C19orf81: variants seen among roughly 807,000 people sequenced by gnomAD.
The protein encoded by C19orf81 is putative uncharacterized protein C19orf81.
A neutral mutation model predicts 22.1 loss-of-function variants in C19orf81; 19 were observed. That is an observed-to-expected ratio of 0.86 (90% CI 0.60 to 1.26). C19orf81 has a LOEUF of 1.26. Among genes scored for constraint, C19orf81 ranks in the 50% most tolerant of loss-of-function variants. The probability of loss-of-function intolerance (pLI) is 0.00; values close to 1 mark genes in which losing one functional copy is unlikely to be tolerated. For synonymous variants in C19orf81, 108 were observed against 113.1 expected, an observed-to-expected ratio of 0.95 and a Z score of 0.29; for missense variants, 287 against 280.7, an observed-to-expected ratio of 1.02 and a Z score of -0.16.
intron 3 of C19orf81, among the ~76,000 whole-genome samples, chr19:50,656,646 A>G (rs1985000141): frequency 6.6e-6 from 1 of 152,102 alleles, no homozygotes; most frequent in Non-Finnish European, 1.5e-5. Flanking sequence ...AAATATAACA[A>G]AAACTCAAGA....
chr19:50,658,102 C>T lies in C19orf81; in HGVS notation c.375C>T (p.Ile125=). 6.5e-7 allele frequency: 1 copy of T among 1,535,354 alleles called. No individual in the cohort carries two copies. The highest frequency in any genetic ancestry group is 8.7e-7 in the Non-Finnish European group (1 of 1,146,588). The change falls in exon 4 of 5, where the codon ATC becomes ATT. Residue 125 remains isoleucine (I), a synonymous_variant. Coordinates refer to ENST00000425202, the MANE Select transcript of C19orf81 (RefSeq NM_001195076.2). ...SSIRFENMNV[I]CGTAGRRNRW... is the part of the protein sequence containing the mutation. ...TCCGCTTTGAGAACATGAACGTCAT[C>T]TGTGGGACTGCTGGGCGCCGGAACC...
chr19:50,658,211 A>G (rs1445385696), intron 4 of C19orf81, 83 bp downstream of exon 4: 4 of 1,364,910 alleles, frequency 2.9e-6, no homozygotes, highest in Non-Finnish European at 3.9e-6. Context: ...GGTTGGTTTT[A>G]GAGCGCTGAG....
In C19orf81 at chr19:50,657,864, CT is replaced by C. The variant is rs1244226924; in HGVS notation, c.262-123del. 8 of 1,285,816 alleles carry C rather than the reference CT, an allele frequency of 6.2e-6. No individual in the cohort carries two copies. In the Admixed American group the frequency reaches 9.3e-5, roughly 15 times the overall value. 79.7% of individuals were successfully genotyped at this position (1,285,816 alleles called of 1,614,324 possible). ...CAGTACCCTGGGATTAAGAGCGATC[CT>C]TGCCCCTCAAATGCCACCTGGAACT... On this transcript the variant is annotated intron_variant, in intron 3 of 4. Coordinates refer to ENST00000425202, the MANE Select transcript of C19orf81 (RefSeq NM_001195076.2).
At chr19:50,651,297 G>A (rs1239087380) in intron 1 of C19orf81, among the ~76,000 whole-genome samples, 1 of 152,280 alleles carries the variant, frequency 6.6e-6, no homozygotes, top group Non-Finnish European at 1.5e-5. Flanking sequence ...CTTGGCCCAT[G>A]CTAGGCCCTT....
intron 1 of C19orf81, among the ~76,000 whole-genome samples, chr19:50,650,175 T>C (rs35429431): frequency 0.4 from 60,855 of 151,684 alleles, 12,959 homozygotes; most frequent in African/African-American, 0.55. Flanking sequence ...CCTAGCTTCC[T>C]GTCACCTCTA....
At chr19:50,655,404 A>C (rs898096137) in intron 1 of C19orf81, among the ~76,000 whole-genome samples, 1 of 152,220 alleles carries the variant, frequency 6.6e-6, no homozygotes, top group Non-Finnish European at 1.5e-5. Flanking sequence ...TAATCCCAGC[A>C]TTTTGGGAGG....
intron 1 of C19orf81, 145 bp downstream of exon 1, chr19:50,649,656 C>G (rs1984836596): frequency 1.1e-6 from 1 of 940,628 alleles, no homozygotes; most frequent in East Asian, 2.6e-5. Context: ...TCACCAGATT[C>G]CTGGAGAGCG....
chr19:50,654,423 C>A (rs1440879839), intron 1 of C19orf81, among the ~76,000 whole-genome samples: 1 of 152,136 alleles, frequency 6.6e-6, no homozygotes, highest in African/African-American at 2.4e-5. Flanking sequence ...CTGCCTCAGC[C>A]TCCCGAGTAG....
chr19:50,658,872 C>T, intron 4 of C19orf81, 75 bp from the exon 5 acceptor site: 3 of 1,295,216 alleles, frequency 2.3e-6, no homozygotes, highest in African/African-American at 1.5e-5. Context: ...AGGGACCAGG[C>T]AGGGACTCTT....
At chr19:50,658,809 G>A (rs905518505) in intron 4 of C19orf81, 138 bp from the exon 5 acceptor site, 2 of 703,350 alleles carry the variant, frequency 2.8e-6, no homozygotes, top group East Asian at 6.7e-5. Context: ...GGGCTGGAGG[G>A]GAGTTTAGGG....
intron 3 of C19orf81, 35 bp from the exon 4 acceptor site, chr19:50,657,954 G>A: frequency 6.7e-7 from 1 of 1,497,792 alleles, no homozygotes; most frequent in Non-Finnish European, 8.9e-7. Flanking sequence ...GAACCAGGAG[G>A]CCACGGGCTG....
At chr19:50,651,421 G>A (rs961402089) in intron 1 of C19orf81, among the ~76,000 whole-genome samples, 3 of 151,842 alleles carry the variant, frequency 2.0e-5, no homozygotes, top group East Asian at 3.9e-4. Flanking sequence ...CCCCTAGACC[G>A]GGAGACTGGG....
intron 1 of C19orf81, among the ~76,000 whole-genome samples, chr19:50,649,975 C>T (rs1055820389): frequency 1.1e-4 from 16 of 152,250 alleles, no homozygotes; most frequent in African/African-American, 3.9e-4. Flanking sequence ...TGCCCTCTGA[C>T]TCTCCCTTCC....
intron 1 of C19orf81, among the ~76,000 whole-genome samples, chr19:50,652,653 C>T (rs931383446): frequency 1.3e-5 from 2 of 152,288 alleles, no homozygotes; most frequent in African/African-American, 4.8e-5. Context: ...GACACTAGCA[C>T]GGTCTGATCA....
intron 1 of C19orf81, chr19:50,649,921 A>C (rs1984842204): frequency 4.6e-6 from 2 of 437,792 alleles, no homozygotes; most frequent in Non-Finnish European, 9.2e-6. Flanking sequence ...CCATCCTTCC[A>C]CCTCCCACAA....
intron 4 of C19orf81, among the ~76,000 whole-genome samples, chr19:50,658,330 A>C (rs1458410723): frequency 2.7e-5 from 3 of 111,252 alleles, no homozygotes; most frequent in South Asian, 2.9e-4. Context: ...ACTAGATAAG[A>C]GCGTGGTTGG....
rs1435069671 is a variant in C19orf81 at position 50,659,040 on chromosome 19, C to G, written c.495C>G (p.His165Gln). 3 of 1,529,188 alleles carry G rather than the reference C, an allele frequency of 2.0e-6. No homozygotes were observed. Among genetic ancestry groups the G allele is most frequent in the African/African-American group, 2.8e-5 (2 of 72,508 alleles). 94.7% of individuals were successfully genotyped at this position (1,529,188 alleles called of 1,614,324 possible). A position where few individuals can be genotyped will look rare whatever the true frequency, so the allele number is the denominator to read the frequency against. The change falls in exon 5 of 5, where the codon CAC (histidine) becomes CAG (glutamine). Residue 165 changes from histidine to glutamine, a missense_variant. Coordinates refer to ENST00000425202, the MANE Select transcript of C19orf81 (RefSeq NM_001195076.2). Reference protein sequence around the residue: ...PRGLAHQIVRHDDLLLGDYRL... With the variant: ...PRGLAHQIVRQDDLLLGDYRL... Reference sequence around the variant, plus strand: ...GGCTTGCGCACCAGATCGTGCGCCACGACGACCTCCTGCTGGGCGACTACC... The same window carrying G: ...GGCTTGCGCACCAGATCGTGCGCCAGGACGACCTCCTGCTGGGCGACTACC...
chr19:50,651,978 T>C (rs941231058), intron 1 of C19orf81, among the ~76,000 whole-genome samples: 7 of 152,176 alleles, frequency 4.6e-5, no homozygotes, highest in Non-Finnish European at 5.9e-5. Context: ...ACAAGGCTAT[T>C]TTTTAAAATT....
In C19orf81 at chr19:50,656,095, G is replaced by A. The variant is rs185628472; in HGVS notation, c.113G>A (p.Arg38Gln). 3.8e-5 allele frequency: 58 copies of A among 1,536,096 alleles called. 1 individual carries two copies. Among genetic ancestry groups the A allele is most frequent in the Non-Finnish European group, 4.3e-5 (49 of 1,146,904 alleles). ...GAGACCCCAGAGGAGATGCAGGCTCGGAGCCTGGGCAGGCCCATCAAATCC... is the reference window on the plus strand; with the variant it reads ...GAGACCCCAGAGGAGATGCAGGCTCAGAGCCTGGGCAGGCCCATCAAATCC... ...DLETPEEMQA[R>Q]SLGRPIKSSK... Residue 38 changes from arginine to glutamine, a missense_variant, in exon 2 of 5, where the codon CGG (arginine) becomes CAG (glutamine). Physicochemically the swap from Arg to Gln is conservative, Grantham distance 43. Transcript: ENST00000425202.
Sources: gnomAD v4.1 joint callset for allele counts (sites outside exome capture counted in the v4.1 genomes callset) on GRCh38, gnomAD v4.1.1 for gene constraint, MANE v1.5 for transcripts, NCBI Gene and HGNC (gene_info 2026-07-23, HGNC 2026-07-21) for gene names.